CDH6: variants seen among roughly 807,000 people sequenced by gnomAD.
CDH6 encodes cadherin 6, also known as cadherin-6.
In CDH6, 31 loss-of-function variants were observed where a neutral mutation model predicts 78.0. That is an observed-to-expected ratio of 0.40 (90% confidence interval 0.30 to 0.54). The LOEUF is 0.54. Ranked by LOEUF, CDH6 falls within the 20% of genes least tolerant of loss-of-function variation. The pLI is 0.56. For missense variants in CDH6, 724 were observed against 975.9 expected (o/e 0.74, Z 3.44); for synonymous variants, 376 against 368.8 (o/e 1.02, Z -0.23).
At chr5:31,243,287 C>T (rs1229921674) in intron 1 of CDH6, among the ~76,000 whole-genome samples, 1 of 152,028 alleles carries the variant, frequency 6.6e-6, no homozygotes, top group African/African-American at 2.4e-5. Context: ...GGAGAAGGGG[C>T]ATGTCTTGCA....
intron 4 of CDH6, among the ~76,000 whole-genome samples, chr5:31,298,040 T>C (rs1483722256): frequency 6.6e-6 from 1 of 152,196 alleles, no homozygotes; most frequent in Admixed American, 6.5e-5. Flanking sequence ...GCATTGTTTG[T>C]TATCAAATCA....
At chr5:31,322,425 C>A (rs979878557) in intron 11 of CDH6, among the ~76,000 whole-genome samples, 2 of 151,964 alleles carry the variant, frequency 1.3e-5, no homozygotes, top group Non-Finnish European at 2.9e-5. Context: ...CCAGTCTTGT[C>A]CTTGTAACCA....
At chr5:31,207,031 A>G (rs940795717) in intron 1 of CDH6, among the ~76,000 whole-genome samples, 1 of 152,124 alleles carries the variant, frequency 6.6e-6, no homozygotes, top group African/African-American at 2.4e-5. Flanking sequence ...TGGTCAGTCA[A>G]AATACAGTTC....
chr5:31,293,006 T>A (rs1737453997), intron 2 of CDH6, among the ~76,000 whole-genome samples: 1 of 151,938 alleles, frequency 6.6e-6, no homozygotes, highest in Non-Finnish European at 1.5e-5. Flanking sequence ...ACTGTGGATA[T>A]AATCTCTGGG....
chr5:31,286,118 T>C (rs965775739), intron 2 of CDH6, among the ~76,000 whole-genome samples: 40 of 152,222 alleles, frequency 2.6e-4, no homozygotes, highest in Non-Finnish European at 7.3e-5. Flanking sequence ...ACAAGATTCA[T>C]TTATTTATTC....
At chr5:31,233,059 G>T (rs1741356671) in intron 1 of CDH6, among the ~76,000 whole-genome samples, 1 of 152,008 alleles carries the variant, frequency 6.6e-6, no homozygotes, top group African/African-American at 2.4e-5. Context: ...ACCATGCAAT[G>T]AACAACTGAA....
chr5:31,328,196 T>TC lies in CDH6; in HGVS notation c.*4889dup, dbSNP rs1200059243. 8 of 176,042 alleles carry TC rather than the reference T, an allele frequency of 4.5e-5. No homozygotes were observed. The highest frequency in any genetic ancestry group is 9.5e-5 in the Non-Finnish European group (8 of 83,854). 10.9% of individuals were successfully genotyped at this position (176,042 alleles called of 1,614,324 possible). On this transcript the variant is annotated 3_prime_UTR_variant, in exon 12 of 12. Coordinates refer to ENST00000265071, the MANE Select transcript of CDH6 (RefSeq NM_004932.4). The stretch of plus-strand genomic sequence containing the variant: ...ATTCCTTTTTTTTTTTTTTTTTTTT[T>TC]CAAAAACCCATGAACCACAAACTCA...
At position 31,317,862 on chromosome 5, in the gene CDH6, A is replaced by AC; in HGVS notation, c.1824dup (p.Thr609HisfsTer47). ...TCCTGCCATGCGGAGGCGCTCATCC[A>AC]CCCCACGGGACTGAGCACGGGGGCT... On this transcript the variant is annotated frameshift_variant, in exon 11 of 12. Coordinates refer to ENST00000265071, the MANE Select transcript of CDH6 (RefSeq NM_004932.4). LOFTEE classifies it high-confidence loss of function. 1 of 1,613,860 alleles carries AC rather than the reference A, an allele frequency of 6.2e-7. No homozygotes were observed. Among genetic ancestry groups the AC allele is most frequent in the Non-Finnish European group, 8.5e-7 (1 of 1,179,918 alleles).
At chr5:31,303,465 T>C (rs1452889170) in intron 6 of CDH6, among the ~76,000 whole-genome samples, 1 of 152,208 alleles carries the variant, frequency 6.6e-6, no homozygotes, top group Non-Finnish European at 1.5e-5. Flanking sequence ...CCTCTTTAGC[T>C]ACTTTTTGGA....
rs181663556 is a variant in CDH6 at position 31,287,495 on chromosome 5, G to C, written c.229-6467G>C. On this transcript the variant is annotated intron_variant, in intron 2 of 11. Transcript: ENST00000265071. ...TCTTACATACATTATTTTATTTATT[G>C]TCTGAGAAACCTACTTGTAAATTAA... Among the ~76,000 whole-genome samples, 40 of 152,178 alleles carry C rather than the reference G, an allele frequency of 2.6e-4. No homozygotes were observed. In the East Asian group the frequency reaches 7.5e-3, roughly 29 times the overall value.
At position 31,326,019 on chromosome 5, in the gene CDH6, G is replaced by T; in HGVS notation, c.*2711G>T. On this transcript the variant is annotated 3_prime_UTR_variant, in exon 12 of 12. Transcript: ENST00000265071. ...CAGGTCAAACATCATTGCATGCGCA[G>T]GTTTTTTTTTTAATTGCTAGGTCCC... 4.3e-6 allele frequency: 1 copy of T among 231,600 alleles called. No individual in the cohort carries two copies. The highest frequency in any genetic ancestry group is 8.5e-6 in the Non-Finnish European group (1 of 117,336). 14.3% of individuals were successfully genotyped at this position (231,600 alleles called of 1,614,324 possible).
intron 11 of CDH6, 131 bp downstream of exon 11, chr5:31,318,055 A>G (rs1247339515): frequency 9.1e-7 from 1 of 1,096,458 alleles, no homozygotes; most frequent in Admixed American, 1.7e-5. Flanking sequence ...TTACATACTG[A>G]GAATCTGTGC....
chr5:31,317,046 A>G (rs1738344499), intron 9 of CDH6, among the ~76,000 whole-genome samples: 2 of 152,134 alleles, frequency 1.3e-5, no homozygotes, highest in South Asian at 4.1e-4. Context: ...AATCAGGGTG[A>G]TTTCCTCCCT....
chr5:31,327,909 C>T lies in CDH6; in HGVS notation c.*4601C>T. On this transcript the variant is annotated 3_prime_UTR_variant, in exon 12 of 12. Coordinates refer to ENST00000265071, the MANE Select transcript of CDH6 (RefSeq NM_004932.4). ...ATTTTTAAAGCCGGAAGTTTATGGT[C>T]TCTGCATCGTCAATTTAATTTAAGC... The T allele has an allele frequency of 4.6e-6, 1 of 216,224 alleles. No individual in the cohort carries two copies. The highest frequency in any genetic ancestry group is 6.9e-5 in the East Asian group (1 of 14,456). The allele number at this position is 216,224 out of a possible 1,614,324, so 13.4% of individuals were successfully genotyped here.
At chr5:31,318,068 T>G in intron 11 of CDH6, 144 bp downstream of exon 11, 2 of 999,604 alleles carry the variant, frequency 2.0e-6, no homozygotes, top group South Asian at 2.6e-5. Flanking sequence ...ATCTGTGCTG[T>G]ACGATGTGAA....
chr5:31,317,477 A>G lies in CDH6; in HGVS notation c.1615A>G (p.Ile539Val). 1 of 1,607,856 alleles carries G rather than the reference A, an allele frequency of 6.2e-7. No individual in the cohort carries two copies. The highest frequency in any genetic ancestry group is 8.5e-7 in the Non-Finnish European group (1 of 1,175,868). The change falls in exon 10 of 12, where the codon ATT becomes GTT. Residue 539 changes from isoleucine (I) to valine (V), a missense_variant. This residue lies in a region of CDH6 where 446 missense variants were observed against 684.5 expected (regional missense o/e 0.65). Transcript: ENST00000265071. ...AGCAGCCAGTGGCTCAAACTTTACC[A>G]TTCAAGACAACAAAGGTAAATGAGT... ...PEAASGSNFT[I>V]QDNKDNTAGI...
At chr5:31,199,530 G>GTGTATGTATACA (rs1561193514) in intron 1 of CDH6, among the ~76,000 whole-genome samples, 1 of 133,360 alleles carries the variant, frequency 7.5e-6, no homozygotes, top group Non-Finnish European at 1.6e-5. Context: ...ACACATATGT[G>GTGTATGTATACA]TATATATATG....
Position 31,305,261 on chromosome 5 carries a change from C to T in CDH6, c.1087C>T (p.Pro363Ser). 1 of 1,614,070 alleles carries T rather than the reference C, an allele frequency of 6.2e-7. No individual in the cohort carries two copies. The highest frequency in any genetic ancestry group is 2.2e-5 in the East Asian group (1 of 44,856). ...YVEPRFLYLGPFKDSATVRIV... is the reference protein window; with the variant it reads ...YVEPRFLYLGSFKDSATVRIV... The stretch of plus-strand genomic sequence containing the variant: ...TGAGCCACGATTTCTCTACTTGGGG[C>T]CTTTCAAAGATTCAGCCACGGTTAG... The change falls in exon 7 of 12, where the codon CCT becomes TCT. Residue 363 changes from proline (P) to serine (S), a missense_variant. Pro to Ser is a moderately conservative substitution (Grantham distance 74). Transcript: ENST00000265071.
intron 6 of CDH6, among the ~76,000 whole-genome samples, chr5:31,303,784 C>T (rs761632430): frequency 2.0e-5 from 3 of 151,966 alleles, no homozygotes; most frequent in Non-Finnish European, 2.9e-5. Context: ...CTTTGGATTA[C>T]GTGTCTTAAT....
Sources: allele counts gnomAD v4.1 joint callset (sites outside exome capture counted in the v4.1 genomes callset), GRCh38; gene constraint gnomAD v4.1.1; regional missense constraint gnomAD v4.1.1; transcripts MANE v1.5; gene names NCBI Gene and HGNC (gene_info 2026-07-23, HGNC 2026-07-21).